Variants in CA5B observed in about 807,000 individuals in gnomAD.
The protein encoded by CA5B is carbonic anhydrase 5B, also known as carbonic anhydrase 5B, mitochondrial.
CA5B carries 15 observed loss-of-function variants against 23.1 expected under a neutral mutation model. That is an observed-to-expected ratio of 0.65 (90% CI 0.43 to 1.00). The LOEUF is 1.00. Ranked by LOEUF, CA5B falls within the 50% of genes least tolerant of loss-of-function variation. CA5B has a pLI of 0.00. For missense variants in CA5B, 236 were observed against 252.2 expected, an observed-to-expected ratio of 0.94 and a Z score of 0.43; for synonymous variants, 84 against 98.5, an observed-to-expected ratio of 0.85 and a Z score of 0.87.
intron 1 of CA5B, among the ~76,000 whole-genome samples, chrX:15,741,722 C>T (rs868091942): frequency 7.2e-5 from 8 of 111,090 alleles, no homozygotes; most frequent in Middle Eastern, 4.6e-3. Flanking sequence ...TTGATCCACC[C>T]GCCTCGGCCT....
intron 2 of CA5B, among the ~76,000 whole-genome samples, chrX:15,751,946 C>G (rs1286036993): frequency 2.7e-5 from 3 of 111,131 alleles, no homozygotes; most frequent in Non-Finnish European, 3.8e-5. Flanking sequence ...AAGAATGACC[C>G]CAGATTCTTG....
At chrX:15,777,136 A>G (rs745728597) in intron 7 of CA5B, among the ~76,000 whole-genome samples, 42 of 112,147 alleles carry the variant, frequency 3.7e-4, no homozygotes, top group African/African-American at 1.2e-3. Context: ...TGTATTTTAT[A>G]TATAAATATT....
At chrX:15,775,800 C>A (rs1056918388) in intron 6 of CA5B, 2 of 742,181 alleles carry the variant, frequency 2.7e-6, no homozygotes, top group Non-Finnish European at 3.2e-6. Flanking sequence ...ATATTCTCTT[C>A]TTCTCCCTCT....
At chrX:15,780,981 C>CTTTTTT (rs540005812) in intron 7 of CA5B, among the ~76,000 whole-genome samples, 1 of 100,463 alleles carries the variant, frequency 1.0e-5, no homozygotes, top group African/African-American at 3.6e-5. Context: ...ATTTTGTTTT[C>CTTTTTT]TTTTTTTTTT....
In CA5B at chrX:15,782,640, G is replaced by A. The variant is rs765052356; in HGVS notation, c.930G>A (p.Pro310=). Residue 310 remains proline, a synonymous_variant, in exon 8 of 8, where the codon CCG becomes CCA. Coordinates refer to ENST00000318636, the MANE Select transcript of CA5B (RefSeq NM_007220.4). ...TGAATGTACAAGCGAAACCCAAGCC[G>A]GCCACCAGCCAAGCAACCCCCTAAA... is the stretch of plus-strand genomic sequence containing the variant. ...YVLNVQAKPK[P]ATSQATP The A allele has an allele frequency of 9.2e-6, 11 of 1,194,637 alleles. No individual in the cohort carries two copies. Among genetic ancestry groups the A allele is most frequent in the Admixed American group, 4.6e-5 (2 of 43,262 alleles).
At chrX:15,750,360 T>C (rs1931332390) in intron 2 of CA5B, 195 bp downstream of exon 2, 1 of 382,931 alleles carries the variant, frequency 2.6e-6, no homozygotes, top group Non-Finnish European at 4.5e-6. Context: ...TGTAGGATTA[T>C]ATGCCTTATG....
At chrX:15,768,367 C>T (rs1931754642) in intron 3 of CA5B, among the ~76,000 whole-genome samples, 2 of 111,054 alleles carry the variant, frequency 1.8e-5, no homozygotes, top group Admixed American at 9.6e-5. Context: ...AAGTCATCAA[C>T]GTTTTTGTCA....
intron 1 of CA5B, among the ~76,000 whole-genome samples, chrX:15,749,490 T>C (rs1296968019): frequency 9.0e-6 from 1 of 111,664 alleles, no homozygotes; most frequent in East Asian, 2.8e-4. Context: ...GGGTTTTTTG[T>C]TTTGTTTTTG....
chrX:15,743,637 G>A (rs1931166304), intron 1 of CA5B, among the ~76,000 whole-genome samples: 1 of 112,077 alleles, frequency 8.9e-6, no homozygotes, highest in South Asian at 3.7e-4. Flanking sequence ...CATTGTCAGA[G>A]TCATCAGAAA....
At chrX:15,779,467 A>G (rs1284386334) in intron 7 of CA5B, among the ~76,000 whole-genome samples, 2 of 112,425 alleles carry the variant, frequency 1.8e-5, no homozygotes, top group African/African-American at 6.5e-5. Context: ...GTTGACACAT[A>G]AAATTAACCA....
At chrX:15,773,771 C>T (rs182345807) in intron 4 of CA5B, among the ~76,000 whole-genome samples, 287 of 111,168 alleles carry the variant, frequency 2.6e-3, no homozygotes, top group African/African-American at 8.9e-3. Context: ...CCAGGCTGGT[C>T]TCATACTGCT....
At chrX:15,775,476 G>C in intron 6 of CA5B, 168 bp downstream of exon 6, 1 of 990,427 alleles carries the variant, frequency 1.0e-6, no homozygotes, top group Non-Finnish European at 1.3e-6. Flanking sequence ...TCATCATTCT[G>C]TGGGTAGGCA....
At chrX:15,779,095 T>A (rs1054984525) in intron 7 of CA5B, among the ~76,000 whole-genome samples, 3 of 111,421 alleles carry the variant, frequency 2.7e-5, no homozygotes, top group African/African-American at 9.8e-5. Context: ...GACTAAGAAG[T>A]CTTACAATCT....
chrX:15,786,759 C>G lies in CA5B; in HGVS notation c.*4095C>G, dbSNP rs1167465018. 1.8e-5 allele frequency: 2 copies of G among 111,527 alleles called. No individual in the cohort carries two copies. The highest frequency in any genetic ancestry group is 3.8e-5 in the Non-Finnish European group (2 of 53,148). 9.2% of individuals were successfully genotyped at this position (111,527 alleles called of 1,213,427 possible). A position where few individuals can be genotyped will look rare whatever the true frequency, so the allele number is the denominator to read the frequency against. Reference sequence around the variant, plus strand: ...ACTCATAGGGGATTTACTAAAGAAGCAACAATGGGAAGAAGCAGCCGATCC... The same window carrying G: ...ACTCATAGGGGATTTACTAAAGAAGGAACAATGGGAAGAAGCAGCCGATCC... On this transcript the variant is annotated 3_prime_UTR_variant, in exon 8 of 8. Transcript: ENST00000318636.
chrX:15,742,881 A>G (rs1173719190), intron 1 of CA5B, among the ~76,000 whole-genome samples: 1 of 112,017 alleles, frequency 8.9e-6, no homozygotes, highest in Non-Finnish European at 1.9e-5. Context: ...TGGAACTGGC[A>G]TCTATTGGAT....
rs1483407339 is a variant in CA5B at position 15,783,881 on chromosome X, T to C, written c.*1217T>C. On this transcript the variant is annotated 3_prime_UTR_variant, in exon 8 of 8. Coordinates refer to ENST00000318636, the MANE Select transcript of CA5B (RefSeq NM_007220.4). ...CATTGCACATTTCCAGAAATATTTTTCTTTTCTTTTTTTTTTTTTTTTTTG... is the reference window on the plus strand; with the variant it reads ...CATTGCACATTTCCAGAAATATTTTCCTTTTCTTTTTTTTTTTTTTTTTTG... 1 of 93,438 alleles carries C rather than the reference T, an allele frequency of 1.1e-5. No individual in the cohort carries two copies. The highest frequency in any genetic ancestry group is 3.6e-4 in the East Asian group (1 of 2,811). 7.7% of individuals were successfully genotyped at this position (93,438 alleles called of 1,213,427 possible).
At chrX:15,769,273 T>A (rs994191955) in intron 3 of CA5B, among the ~76,000 whole-genome samples, 6 of 111,856 alleles carry the variant, frequency 5.4e-5, no homozygotes, top group African/African-American at 9.7e-5. Flanking sequence ...CCTACCTACC[T>A]TGATAGGATT....
In CA5B at chrX:15,785,933, C is replaced by G. The variant is rs1022621018; in HGVS notation, c.*3269C>G. 5.4e-5 allele frequency: 6 copies of G among 110,624 alleles called. No individual in the cohort carries two copies. Among genetic ancestry groups the G allele is most frequent in the African/African-American group, 1.6e-4 (5 of 30,381 alleles). The allele number at this position is 110,624 out of a possible 1,213,427, so 9.1% of individuals were successfully genotyped here. A position where few individuals can be genotyped will look rare whatever the true frequency, so the allele number is the denominator to read the frequency against. On this transcript the variant is annotated 3_prime_UTR_variant, in exon 8 of 8. Coordinates refer to ENST00000318636, the MANE Select transcript of CA5B (RefSeq NM_007220.4). ...TCACCCGGGCTGGAGTGCAGTGGCG[C>G]GATCTCGGCTCACTGCAAGCTCCGC...
chrX:15,774,519 T>C (rs1162095782), intron 5 of CA5B, 122 bp downstream of exon 5: 1 of 873,969 alleles, frequency 1.1e-6, no homozygotes, highest in Non-Finnish European at 1.6e-6. Context: ...TAAATAGTGC[T>C]TGAAGTACAG....
Sources: gnomAD v4.1 joint callset for allele counts (sites outside exome capture counted in the v4.1 genomes callset) on GRCh38, gnomAD v4.1.1 for gene constraint, MANE v1.5 for transcripts, NCBI Gene and HGNC (gene_info 2026-07-23, HGNC 2026-07-21) for gene names.